RSRC2: variants seen among roughly 807,000 people sequenced by gnomAD.
RSRC2 encodes the protein arginine/serine-rich coiled-coil protein 2.
RSRC2 carries 5 observed loss-of-function variants against 61.3 expected under a neutral mutation model. That is an observed-to-expected ratio of 0.08 (90% confidence interval 0.04 to 0.17). The LOEUF is 0.17. Among genes scored for constraint, RSRC2 ranks in the 10% least tolerant of loss-of-function variants. The probability of loss-of-function intolerance (pLI) is 1.00; values close to 1 mark genes in which losing one functional copy is unlikely to be tolerated. For missense variants in RSRC2, 381 were observed against 518.8 expected (o/e 0.73, Z 2.58); for synonymous variants, 202 against 166.5 (o/e 1.21, Z -1.64).
intron 7 of RSRC2, among the ~76,000 whole-genome samples, chr12:122,510,347 C>T (rs919798137): frequency 4.0e-5 from 6 of 151,886 alleles, no homozygotes; most frequent in East Asian, 3.9e-4. Context: ...TGGTTCAACA[C>T]GGTGAAACCC....
chr12:122,522,311 A>G lies in RSRC2; in HGVS notation c.7-12T>C. 1 of 1,574,800 alleles carries G rather than the reference A, an allele frequency of 6.4e-7. No homozygotes were observed. The highest frequency in any genetic ancestry group is 8.6e-7 in the Non-Finnish European group (1 of 1,167,070). ...TCTGTATCACTAGCCTAAAAGTTTA[A>G]AAACAAATGATTAAAGTTCTTAATT... On this transcript the variant is annotated splice_polypyrimidine_tract_variant and intron_variant, in intron 1 of 9. Transcript: ENST00000331738.
chr12:122,511,043 T>G, intron 7 of RSRC2, 66 bp downstream of exon 7: 2 of 1,195,312 alleles, frequency 1.7e-6, no homozygotes, highest in South Asian at 2.7e-5. Context: ...AGCAAATCCC[T>G]GTGAAAAACA....
At chr12:122,517,481 A>C (rs762419174) in intron 4 of RSRC2, 51 bp from the exon 5 acceptor site, 18 of 1,606,860 alleles carry the variant, frequency 1.1e-5, no homozygotes, top group Non-Finnish European at 1.4e-5. Flanking sequence ...GTGTTGTTTC[A>C]TTTATACACA....
intron 2 of RSRC2, 50 bp downstream of exon 2, chr12:122,522,093 C>T (rs1407883471): frequency 6.5e-7 from 1 of 1,547,086 alleles, no homozygotes; most frequent in Middle Eastern, 2.2e-4. Context: ...AACAGGTCTA[C>T]ATATCTTATA....
intron 7 of RSRC2, among the ~76,000 whole-genome samples, chr12:122,509,826 TG>T (rs1958362849): frequency 6.6e-6 from 1 of 152,160 alleles, no homozygotes; most frequent in Non-Finnish European, 1.5e-5. Context: ...GATAATTTTT[TG>T]TTTTTTGTTT....
At position 122,514,562 on chromosome 12, in the gene RSRC2, G is replaced by T. The variant is rs139913874; in HGVS notation, c.725+543C>A. 6.1e-3 allele frequency: 6,250 copies of T among 1,030,986 alleles called. 27 individuals carry two copies. The highest frequency in any genetic ancestry group is 8.3e-3 in the Middle Eastern group (17 of 2,038). The allele number at this position is 1,030,986 out of a possible 1,614,324, so 63.9% of individuals were successfully genotyped here. ...ATTACAGGTGTGACCGATTGCACCC[G>T]GCCGAAACAGCAGAAAATTAAAAAA... On this transcript the variant is annotated intron_variant, in intron 6 of 9. Coordinates refer to ENST00000331738, the MANE Select transcript of RSRC2 (RefSeq NM_023012.6).
intron 2 of RSRC2, 26 bp from the exon 3 acceptor site, chr12:122,521,454 A>G (rs772872467): frequency 1.3e-6 from 2 of 1,597,486 alleles, no homozygotes; most frequent in Admixed American, 1.7e-5. Context: ...AAAAATAATC[A>G]CCATAAACAA....
At chr12:122,508,514 T>G in intron 7 of RSRC2, 67 bp from the exon 8 acceptor site, 1 of 1,221,752 alleles carries the variant, frequency 8.2e-7, no homozygotes, top group Non-Finnish European at 1.2e-6. Flanking sequence ...TGATTTACAT[T>G]AACGAACGAT....
At position 122,504,698 on chromosome 12, in the gene RSRC2, GATA is replaced by G. The variant is rs1211227689; in HGVS notation, c.*826_*828del. ...TCTATGCTGGAGAAGACTTCAAAGG[GATA>G]ATGAGCAAAAAGCATGCAAAGAACT... On this transcript the variant is annotated 3_prime_UTR_variant, in exon 10 of 10. Transcript: ENST00000331738. 2 of 152,538 alleles carry G rather than the reference GATA, an allele frequency of 1.3e-5. No individual in the cohort carries two copies. Among genetic ancestry groups the G allele is most frequent in the Non-Finnish European group, 2.9e-5 (2 of 68,030 alleles). The allele number at this position is 152,538 out of a possible 1,614,324, so 9.4% of individuals were successfully genotyped here.
intron 7 of RSRC2, among the ~76,000 whole-genome samples, chr12:122,509,854 C>T (rs1489705348): frequency 5.9e-5 from 9 of 151,652 alleles, no homozygotes; most frequent in Non-Finnish European, 1.2e-4. Context: ...TTTTCTTTTT[C>T]GTGAGACAGG....
intron 5 of RSRC2, among the ~76,000 whole-genome samples, chr12:122,516,894 T>C (rs1191962050): frequency 6.6e-6 from 1 of 152,144 alleles, no homozygotes; most frequent in Non-Finnish European, 1.5e-5. Flanking sequence ...GGTTTCACCA[T>C]ATTGCCCAGG....
intron 5 of RSRC2, among the ~76,000 whole-genome samples, chr12:122,515,711 T>C (rs189683291): frequency 3.1e-4 from 47 of 152,270 alleles, no homozygotes; most frequent in Admixed American, 1.6e-3. Flanking sequence ...TAGGTCTGGC[T>C]GGGTGCTGTG....
At chr12:122,518,064 A>C (rs985424900) in intron 4 of RSRC2, among the ~76,000 whole-genome samples, 2 of 152,192 alleles carry the variant, frequency 1.3e-5, no homozygotes, top group African/African-American at 2.4e-5. Flanking sequence ...CAGGAGGCCA[A>C]GGCCGTCACA....
At chr12:122,523,982 T>C (rs753923078) in intron 1 of RSRC2, among the ~76,000 whole-genome samples, 6 of 152,152 alleles carry the variant, frequency 3.9e-5, no homozygotes, top group Non-Finnish European at 7.3e-5. Flanking sequence ...AGTAAGAAAT[T>C]AACTACCAGG....
intron 6 of RSRC2, among the ~76,000 whole-genome samples, chr12:122,512,559 C>T (rs1593377856): frequency 2.0e-5 from 3 of 151,982 alleles, no homozygotes; most frequent in East Asian, 1.9e-4. Context: ...GGTGAAATCC[C>T]GCATCTACTA....
chr12:122,516,047 T>G (rs1179531341), intron 5 of RSRC2, among the ~76,000 whole-genome samples: 1 of 152,088 alleles, frequency 6.6e-6, no homozygotes, highest in Non-Finnish European at 1.5e-5. Context: ...AAAAATTTCT[T>G]AATTGGTAAG....
chr12:122,508,488 T>G, intron 7 of RSRC2, 41 bp from the exon 8 acceptor site: 2 of 1,456,944 alleles, frequency 1.4e-6, no homozygotes, highest in East Asian at 4.7e-5. Context: ...AAAACGATTT[T>G]AAAACATAAA....
intron 5 of RSRC2, among the ~76,000 whole-genome samples, chr12:122,515,952 G>T (rs540240821): frequency 6.6e-6 from 1 of 152,084 alleles, no homozygotes; most frequent in African/African-American, 2.4e-5. Flanking sequence ...TTGTGCCATC[G>T]CACTCCAGCC....
Position 122,504,209 on chromosome 12 carries a change from T to C in RSRC2, c.*1318A>G, listed in dbSNP as rs1958000705. 1 of 151,864 alleles carries C rather than the reference T, an allele frequency of 6.6e-6. No homozygotes were observed. The highest frequency in any genetic ancestry group is 2.4e-5 in the African/African-American group (1 of 41,080). The allele number at this position is 151,864 out of a possible 1,614,324, so 9.4% of individuals were successfully genotyped here. On this transcript the variant is annotated 3_prime_UTR_variant, in exon 10 of 10. Transcript: ENST00000331738. ...GTAATGTGCTCTCATTCTGTGATGT[T>C]TTCCAAAGGATTTTTCAAAGGAAAG...
Sources: allele counts gnomAD v4.1 joint callset (sites outside exome capture counted in the v4.1 genomes callset), GRCh38; gene constraint gnomAD v4.1.1; transcripts MANE v1.5; gene names NCBI Gene and HGNC (gene_info 2026-07-23, HGNC 2026-07-21).